Variants in STIM2 observed in about 807,000 individuals in gnomAD.
The protein encoded by STIM2 is stromal interaction molecule 2.
A neutral mutation model predicts 85.8 loss-of-function variants in STIM2; 31 were observed. That is an observed-to-expected ratio of 0.36 (90% CI 0.27 to 0.49). The LOEUF (loss-of-function observed/expected upper bound fraction) is 0.49. Ranked by LOEUF, STIM2 falls within the 20% of genes least tolerant of loss-of-function variation. The probability of loss-of-function intolerance (pLI) is 0.98; values close to 1 mark genes in which losing one functional copy is unlikely to be tolerated. For synonymous variants in STIM2, 356 were observed against 331.1 expected, an observed-to-expected ratio of 1.08 and a Z score of -0.82; for missense variants, 841 against 927.6, an observed-to-expected ratio of 0.91 and a Z score of 1.21.
At position 26,965,417 on chromosome 4, in the gene STIM2, T is replaced by C. The variant is rs540140970; in HGVS notation, c.397+7691T>C. Among the ~76,000 whole-genome samples, 91 of 152,274 alleles carry C rather than the reference T, an allele frequency of 6.0e-4. 1 individual carries two copies. The highest frequency in any genetic ancestry group is 8.2e-4 in the Non-Finnish European group (56 of 67,984). On this transcript the variant is annotated intron_variant, in intron 3 of 11. Coordinates refer to ENST00000467087, the MANE Select transcript of STIM2 (RefSeq NM_020860.4). ...ATTGTTTTGTATTAATCATTAGTTA[T>C]AATTGATTTTTGTACTTCATACAGA...
At chr4:26,948,077 A>C (rs1192325703) in intron 2 of STIM2, among the ~76,000 whole-genome samples, 3 of 152,260 alleles carry the variant, frequency 2.0e-5, no homozygotes, top group South Asian at 4.1e-4. Flanking sequence ...AACAATCTAG[A>C]ATTGTTCAGG....
At chr4:26,949,121 C>T (rs901244721) in intron 2 of STIM2, among the ~76,000 whole-genome samples, 9 of 152,028 alleles carry the variant, frequency 5.9e-5, no homozygotes, top group African/African-American at 1.4e-4. Context: ...TAGATAGTCT[C>T]TTATTTTTCC....
At chr4:26,935,709 ATAG>A (rs1725367890) in intron 2 of STIM2, among the ~76,000 whole-genome samples, 1 of 152,218 alleles carries the variant, frequency 6.6e-6, no homozygotes, top group African/African-American at 2.4e-5. Flanking sequence ...CAGGACTCTG[ATAG>A]TAGCCAGAAG....
At chr4:26,911,589 A>T (rs1164912656) in intron 1 of STIM2, among the ~76,000 whole-genome samples, 1 of 152,198 alleles carries the variant, frequency 6.6e-6, no homozygotes, top group African/African-American at 2.4e-5. Flanking sequence ...TGAACTTTTG[A>T]AAAGTCTGAA....
chr4:26,864,764 A>G (rs1245633444), intron 1 of STIM2, among the ~76,000 whole-genome samples: 2 of 152,170 alleles, frequency 1.3e-5, no homozygotes, highest in Admixed American at 6.5e-5. Flanking sequence ...TTAGTTCAAC[A>G]TATAATACCA....
At chr4:26,999,419 G>A in intron 5 of STIM2, 72 bp downstream of exon 5, 1 of 930,714 alleles carries the variant, frequency 1.1e-6, no homozygotes, top group Non-Finnish European at 1.5e-6. Context: ...TTTAAGGAAA[G>A]AGAAAAATAA....
chr4:26,900,758 C>T (rs554933611), intron 1 of STIM2, among the ~76,000 whole-genome samples: 2 of 152,088 alleles, frequency 1.3e-5, no homozygotes, highest in African/African-American at 2.4e-5. Context: ...TTCTTGAAGT[C>T]GATACTACAA....
In STIM2 at chr4:26,919,556, T is replaced by G; in HGVS notation, c.204T>G (p.Ser68Arg). 6.2e-7 allele frequency: 1 copy of G among 1,613,726 alleles called. No homozygotes were observed. The highest frequency in any genetic ancestry group is 8.5e-7 in the Non-Finnish European group (1 of 1,179,748). The change falls in exon 2 of 12, where the codon AGT becomes AGG. Residue 68 changes from serine to arginine, a missense_variant. Coordinates refer to ENST00000467087, the MANE Select transcript of STIM2 (RefSeq NM_020860.4). The stretch of plus-strand genomic sequence containing the variant: ...GCTTTACAGAAGAAGACAGATTTAG[T>G]CTGGAAGCTCTTCAAACAATACATA...
intron 3 of STIM2, among the ~76,000 whole-genome samples, chr4:26,987,527 A>G (rs1192043600): frequency 6.6e-6 from 1 of 152,128 alleles, no homozygotes; most frequent in African/African-American, 2.4e-5. Context: ...TTTCGATTCC[A>G]TACATCATCC....
rs534641476 is a variant in STIM2, at chr4:26,972,824, C to G, written c.397+15098C>G. Reference sequence around the variant, plus strand: ...AGTTTCAGAAGGAATGGTCCCAGCTCCTCTTTGTACCTCTGGTAGAATTCA... The same window carrying G: ...AGTTTCAGAAGGAATGGTCCCAGCTGCTCTTTGTACCTCTGGTAGAATTCA... On this transcript the variant is annotated intron_variant, in intron 3 of 11. Transcript: ENST00000467087. Among the ~76,000 whole-genome samples, 20 of 152,252 alleles carry G rather than the reference C, an allele frequency of 1.3e-4. No individual in the cohort carries two copies. The South Asian group carries it at 2.5e-3, about 19-fold the overall frequency.
At chr4:26,918,016 C>A (rs866850403) in intron 1 of STIM2, among the ~76,000 whole-genome samples, 7 of 152,154 alleles carry the variant, frequency 4.6e-5, no homozygotes, top group African/African-American at 1.7e-4. Context: ...TCTTGACTGG[C>A]GTTCCAAATA....
At position 27,007,774 on chromosome 4, in the gene STIM2, A is replaced by G. The variant is rs1175668730; in HGVS notation, c.1149+74A>G. 4 of 1,412,542 alleles carry G rather than the reference A, an allele frequency of 2.8e-6. No individual in the cohort carries two copies. In the East Asian group the frequency reaches 9.9e-5, roughly 35 times the overall value. The allele number at this position is 1,412,542 out of a possible 1,614,324, so 87.5% of individuals were successfully genotyped here. On this transcript the variant is annotated intron_variant, in intron 8 of 11. Coordinates refer to ENST00000467087, the MANE Select transcript of STIM2 (RefSeq NM_020860.4). ...TTCTTAGAGGGATTACTCAGCTGGGATACACAGATCTGAATAAAAGTTTTA... is the reference window on the plus strand; with the variant it reads ...TTCTTAGAGGGATTACTCAGCTGGGGTACACAGATCTGAATAAAAGTTTTA...
chr4:26,861,997 G>A (rs191777347), intron 1 of STIM2, among the ~76,000 whole-genome samples: 4 of 152,284 alleles, frequency 2.6e-5, no homozygotes, highest in South Asian at 4.1e-4. Context: ...GGTGGTGGGA[G>A]CATCACTGGG....
chr4:26,861,312 G>T lies in STIM2; in HGVS notation c.94G>T (p.Ala32Ser), dbSNP rs1171166084. ...CGGGCGGCGGGCGACTGGCTCTGCCGCAACTGCCGCCTCCTCTCCCGCCGC... is the reference window on the plus strand; with the variant it reads ...CGGGCGGCGGGCGACTGGCTCTGCCTCAACTGCCGCCTCCTCTCCCGCCGC... Residue 32 changes from alanine to serine, a missense_variant, in exon 1 of 12, where the codon GCA (alanine) becomes TCA (serine). Ala to Ser is a moderately conservative substitution (Grantham distance 99, BLOSUM62 1). Coordinates refer to ENST00000467087, the MANE Select transcript of STIM2 (RefSeq NM_020860.4). The T allele has an allele frequency of 1.4e-6, 2 of 1,421,506 alleles. No individual in the cohort carries two copies. The highest frequency in any genetic ancestry group is 2.5e-4 in the Middle Eastern group (1 of 3,962). 88.1% of individuals were successfully genotyped at this position (1,421,506 alleles called of 1,614,324 possible).
In STIM2 at chr4:27,022,789, C is replaced by T; in HGVS notation, c.2034C>T (p.Ser678=). ...TGTACAATGGCATTTTGGAGAAATC[C>T]TGTAGCATGAACCAGCTTTCCAGTG... Residue 678 remains serine (S), a synonymous_variant, in exon 12 of 12, where the codon TCC becomes TCT. Coordinates refer to ENST00000467087, the MANE Select transcript of STIM2 (RefSeq NM_020860.4). The T allele has an allele frequency of 6.2e-7, 1 of 1,614,166 alleles. No individual in the cohort carries two copies. Among genetic ancestry groups the T allele is most frequent in the Non-Finnish European group, 8.5e-7 (1 of 1,180,026 alleles).
chr4:26,967,784 C>T (rs536715673), intron 3 of STIM2, among the ~76,000 whole-genome samples: 106 of 152,228 alleles, frequency 7.0e-4, no homozygotes, highest in Non-Finnish European at 1.1e-3. Flanking sequence ...TATGCATCTT[C>T]GTAAGTGATT....
intron 2 of STIM2, among the ~76,000 whole-genome samples, chr4:26,928,371 C>G (rs1253466026): frequency 6.6e-6 from 1 of 152,064 alleles, no homozygotes; most frequent in Non-Finnish European, 1.5e-5. Flanking sequence ...AAAATACCTT[C>G]AAAGGAAAGA....
In STIM2 at chr4:26,995,488, C is replaced by A. The variant is rs1458473291; in HGVS notation, c.507C>A (p.Pro169=). The change falls in exon 4 of 12, where the codon CCC becomes CCA. Residue 169 remains proline, a splice_region_variant and synonymous_variant. Coordinates refer to ENST00000467087, the MANE Select transcript of STIM2 (RefSeq NM_020860.4). The stretch of plus-strand genomic sequence containing the variant: ...ACAATGTCAAAGGAACGACACTTCC[C>A]AGGTGAGTCTTTGTTATGCAAATGT... 1.3e-6 allele frequency: 2 copies of A among 1,580,624 alleles called. No homozygotes were observed. The highest frequency in any genetic ancestry group is 1.2e-5 in the South Asian group (1 of 86,896).
intron 10 of STIM2, among the ~76,000 whole-genome samples, chr4:27,012,163 C>G (rs1728580322): frequency 6.6e-6 from 1 of 152,028 alleles, no homozygotes; most frequent in African/African-American, 2.4e-5. Context: ...TTCACTGGCC[C>G]TATTCTGCTT....
Sources: gnomAD v4.1 joint callset for allele counts (sites outside exome capture counted in the v4.1 genomes callset) on GRCh38, gnomAD v4.1.1 for gene constraint, MANE v1.5 for transcripts, NCBI Gene and HGNC (gene_info 2026-07-23, HGNC 2026-07-21) for gene names.